PNN: variants seen among roughly 807,000 people sequenced by gnomAD.
PNN encodes the protein pinin.
PNN carries 38 observed loss-of-function variants against 76.6 expected under a neutral mutation model. The observed-to-expected ratio is 0.50, with a 90% confidence interval of 0.38 to 0.65. The LOEUF is 0.65. PNN is among the 30% of genes least tolerant of loss of function. The probability of loss-of-function intolerance (pLI) is 0.00; values close to 1 mark genes in which losing one functional copy is unlikely to be tolerated. For synonymous variants in PNN, 366 were observed against 283.7 expected, an observed-to-expected ratio of 1.29 and a Z score of -2.91; for missense variants, 873 against 874.1, an observed-to-expected ratio of 1.00 and a Z score of 0.02.
Position 39,180,615 on chromosome 14 carries a change from A to G in PNN, c.906A>G (p.Glu302=), listed in dbSNP as rs374342876. The change falls in exon 9 of 9, where the codon GAA becomes GAG. Residue 302 remains glutamate, a synonymous_variant. Transcript: ENST00000216832. ...AGCATCAGGTGGTGCGTAATGAAGA[A>G]CAGAAGGCGGAACAAGAAGAGGGTA... The part of the protein sequence containing the change: ...EKEHQVVRNE[E]QKAEQEEGKV... 5 of 1,614,008 alleles carry G rather than the reference A, an allele frequency of 3.1e-6. No individual in the cohort carries two copies. Among genetic ancestry groups the G allele is most frequent in the South Asian group, 2.2e-5 (2 of 91,062 alleles).
rs1289298104 is a variant in PNN, at chr14:39,183,169, C to G, written c.*1306C>G. On this transcript the variant is annotated 3_prime_UTR_variant, in exon 9 of 9. Transcript: ENST00000216832. Reference sequence around the variant, plus strand: ...TGTGTAAGTGGATGTGTTAAAAGATCTCTTTTTAAAAATCCTTTTATTGGA... The same window carrying G: ...TGTGTAAGTGGATGTGTTAAAAGATGTCTTTTTAAAAATCCTTTTATTGGA... 6.6e-6 allele frequency: 1 copy of G among 152,372 alleles called. No individual in the cohort carries two copies. Among genetic ancestry groups the G allele is most frequent in the East Asian group, 1.9e-4 (1 of 5,194 alleles). 9.4% of individuals were successfully genotyped at this position (152,372 alleles called of 1,614,324 possible). A position where few individuals can be genotyped will look rare whatever the true frequency, so the allele number is the denominator to read the frequency against.
chr14:39,180,818 C>T lies in PNN; in HGVS notation c.1109C>T (p.Thr370Ile), dbSNP rs777858098. The T allele has an allele frequency of 3.7e-6, 6 of 1,613,674 alleles. No homozygotes were observed. The highest frequency in any genetic ancestry group is 4.2e-6 in the Non-Finnish European group (5 of 1,179,828). ...ATGGAGGTTAAGATGGAGGAGGAAACTGAGGTAAGGGAAAGTGAGAAGCAG... is the reference window on the plus strand; with the variant it reads ...ATGGAGGTTAAGATGGAGGAGGAAATTGAGGTAAGGGAAAGTGAGAAGCAG... ...QEMEVKMEEETEVRESEKQQD... is the reference protein window; with the variant it reads ...QEMEVKMEEEIEVRESEKQQD... The change falls in exon 9 of 9, where the codon ACT becomes ATT. Residue 370 changes from threonine (T) to isoleucine (I), a missense_variant. Thr to Ile is a moderately conservative substitution (Grantham distance 89). This residue lies in a region of PNN where 712 missense variants were observed against 693.1 expected (regional missense o/e 1.03). Transcript: ENST00000216832.
chr14:39,175,556 C>CCAGGTCCCCTCCGTAGAGCGCTGGTCT (rs2053213616), intron 1 of PNN, among the ~76,000 whole-genome samples, 164 bp downstream of exon 1: 1 of 152,188 alleles, frequency 6.6e-6, no homozygotes, highest in Admixed American at 6.5e-5. Context: ...TGGAGAGGCC[C>CCAGGTCCCCTCCGTAGAGCGCTGGTCT]CAGGTCCCCT....
At chr14:39,180,467 C>A (rs775101989) in intron 8 of PNN, 36 bp from the exon 9 acceptor site, 1 of 1,494,704 alleles carries the variant, frequency 6.7e-7, no homozygotes, top group Middle Eastern at 1.9e-4. Flanking sequence ...TTTTCTTAAT[C>A]GGTAAATTTT....
Position 39,181,350 on chromosome 14 carries a change from A to G in PNN, c.1641A>G (p.Thr547=), listed in dbSNP as rs754535306. The G allele has an allele frequency of 3.1e-6, 5 of 1,614,242 alleles. No homozygotes were observed. The highest frequency in any genetic ancestry group is 4.2e-6 in the Non-Finnish European group (5 of 1,180,030). ...AGGTACCAGTAGAGCCAGTCTTGACAGTACATCCAGAGAGCAAGAGCAAAA... is the reference window on the plus strand; with the variant it reads ...AGGTACCAGTAGAGCCAGTCTTGACGGTACATCCAGAGAGCAAGAGCAAAA... ...LTEVPVEPVL[T]VHPESKSKTK... is the part of the protein sequence containing the mutation. Residue 547 remains threonine (T), a synonymous_variant, in exon 9 of 9, where the codon ACA becomes ACG. Transcript: ENST00000216832.
intron 5 of PNN, 71 bp downstream of exon 5, chr14:39,177,758 C>T: frequency 1.4e-6 from 2 of 1,438,000 alleles, no homozygotes; most frequent in Non-Finnish European, 2.0e-6. Context: ...ATTGTTCAAG[C>T]ATCCTGTAGT....
chr14:39,181,869 G>A lies in PNN; in HGVS notation c.*6G>A, dbSNP rs775898791. The A allele has an allele frequency of 6.4e-7, 1 of 1,560,136 alleles. No homozygotes were observed. On this transcript the variant is annotated 3_prime_UTR_variant, in exon 9 of 9. Transcript: ENST00000216832. ...GGAAAGACAAAAGGCGTTAATGGAA[G>A]AAGCCAGGCTTTCTTAGCCATTCTT...
Position 39,181,539 on chromosome 14 carries a change from C to A in PNN, c.1830C>A (p.Ser610Arg). 6.2e-7 allele frequency: 1 copy of A among 1,606,530 alleles called. No individual in the cohort carries two copies. Among genetic ancestry groups the A allele is most frequent in the Non-Finnish European group, 8.5e-7 (1 of 1,176,372 alleles). ...SSSSRSSSSS[S>R]SSTSGSSSRD... ...GCAGTCGCAGTAGTTCCAGTAGCAG[C>A]TCCAGTACAAGTGGCAGCAGCAGCA... The change falls in exon 9 of 9, where the codon AGC (serine) becomes AGA (arginine). Residue 610 changes from serine to arginine, a missense_variant. By Grantham distance (110) the Ser-to-Arg change is moderately radical. Coordinates refer to ENST00000216832, the MANE Select transcript of PNN (RefSeq NM_002687.4).
Position 39,180,692 on chromosome 14 carries a change from A to T in PNN, c.983A>T (p.Asp328Val), listed in dbSNP as rs1220992664. Residue 328 changes from aspartate to valine, a missense_variant, in exon 9 of 9, where the codon GAT (aspartate) becomes GTT (valine). By Grantham distance (152) the Asp-to-Val change is radical. Coordinates refer to ENST00000216832, the MANE Select transcript of PNN (RefSeq NM_002687.4). ...GAGGAGACAGGTAATCAGCACAATG[A>T]TGTAGAAATAGAGGAAGCAGGAGAG... ...ELEETGNQHN[D>V]VEIEEAGEEE... is the part of the protein sequence containing the mutation. The T allele has an allele frequency of 1.2e-6, 2 of 1,607,466 alleles. No homozygotes were observed. Among genetic ancestry groups the T allele is most frequent in the Non-Finnish European group, 1.7e-6 (2 of 1,176,230 alleles).
At position 39,177,641 on chromosome 14, in the gene PNN, A is replaced by G. The variant is rs1386285344; in HGVS notation, c.376A>G (p.Arg126Gly). Reference protein sequence around the residue: ...VVATSKERTRRDLIQDQNMDE... With the variant: ...VVATSKERTRGDLIQDQNMDE... ...AGCTACCTCCAAAGAGCGCACACGT[A>G]GAGACCTTATCCAGGATCAAAATAT... Residue 126 changes from arginine to glycine, a missense_variant, in exon 5 of 9, where the codon AGA (arginine) becomes GGA (glycine). Physicochemically the swap from Arg to Gly is moderately radical, Grantham distance 125 (BLOSUM62 -2). Transcript: ENST00000216832. The G allele has an allele frequency of 4.3e-6, 7 of 1,614,016 alleles. No homozygotes were observed. The highest frequency in any genetic ancestry group is 5.1e-6 in the Non-Finnish European group (6 of 1,179,840).
chr14:39,176,502 T>C lies in PNN; in HGVS notation c.186-25T>C, dbSNP rs1447722238. ...CCATTTATCTTGTATTTCAAGTGTT[T>C]TATGTTGAACATTTTAAATTTCAGG... On this transcript the variant is annotated intron_variant, in intron 2 of 8. Transcript: ENST00000216832. 3.2e-6 allele frequency: 5 copies of C among 1,541,264 alleles called. No individual in the cohort carries two copies. The Admixed American group carries it at 5.4e-5, about 17-fold the overall frequency.
At chr14:39,179,037 T>C (rs766599580) in intron 6 of PNN, 54 bp from the exon 7 acceptor site, 32 of 1,512,714 alleles carry the variant, frequency 2.1e-5, no homozygotes, top group African/African-American at 2.8e-5. Flanking sequence ...ATATATACCT[T>C]TTGTTGTAAC....
In PNN at chr14:39,181,178, C is replaced by G. The variant is rs1065618; in HGVS notation, c.1469C>G (p.Ser490Cys). Residue 490 changes from serine to cysteine, a missense_variant, in exon 9 of 9, where the codon TCC becomes TGC. Physicochemically the swap from Ser to Cys is moderately radical, Grantham distance 112 (BLOSUM62 -1). Transcript: ENST00000216832. ...CCCCAGCTTCAGCTTCAATCCCAGT[C>G]CCAACCAGTACTCCAGTCCCAGCCT... ...SQPQLQLQSQ[S>C]QPVLQSQPPS... The G allele has an allele frequency of 6.2e-7, 1 of 1,607,638 alleles. No individual in the cohort carries two copies. The highest frequency in any genetic ancestry group is 8.5e-7 in the Non-Finnish European group (1 of 1,174,130).
At position 39,181,380 on chromosome 14, in the gene PNN, A is replaced by G. The variant is rs1376646041; in HGVS notation, c.1671A>G (p.Lys557=). Reference sequence around the variant, plus strand: ...ATCCAGAGAGCAAGAGCAAAACCAAAACTAGGAGCAGAAGTAGAGGTCGAG... The same window carrying G: ...ATCCAGAGAGCAAGAGCAAAACCAAGACTAGGAGCAGAAGTAGAGGTCGAG... ...TVHPESKSKT[K]TRSRSRGRAR... is the part of the protein sequence containing the mutation. Residue 557 remains lysine, a synonymous_variant, in exon 9 of 9, where the codon AAA becomes AAG. Transcript: ENST00000216832. 6.2e-7 allele frequency: 1 copy of G among 1,614,216 alleles called. No individual in the cohort carries two copies. The highest frequency in any genetic ancestry group is 1.3e-5 in the African/African-American group (1 of 75,056).
At position 39,183,028 on chromosome 14, in the gene PNN, CTG is replaced by C. The variant is rs1001583210; in HGVS notation, c.*1167_*1168del. 7 of 152,644 alleles carry C rather than the reference CTG, an allele frequency of 4.6e-5. No homozygotes were observed. The highest frequency in any genetic ancestry group is 9.7e-5 in the African/African-American group (4 of 41,450). The allele number at this position is 152,644 out of a possible 1,614,324, so 9.5% of individuals were successfully genotyped here. On this transcript the variant is annotated 3_prime_UTR_variant, in exon 9 of 9. Transcript: ENST00000216832. Reference sequence around the variant, plus strand: ...ATTGCATCCTTCTTTGAGTTTAACACTGTAGCTTTAGCCTTGACTTTGAATAT... The same window carrying C: ...ATTGCATCCTTCTTTGAGTTTAACACTAGCTTTAGCCTTGACTTTGAATAT...
chr14:39,181,824 A>G lies in PNN; in HGVS notation c.2115A>G (p.Glu705=), dbSNP rs2053272734. 1 of 1,603,486 alleles carries G rather than the reference A, an allele frequency of 6.2e-7. No individual in the cohort carries two copies. Among genetic ancestry groups the G allele is most frequent in the Non-Finnish European group, 8.5e-7 (1 of 1,177,430 alleles). Residue 705 remains glutamate, a synonymous_variant, in exon 9 of 9, where the codon GAA becomes GAG. Transcript: ENST00000216832. ...CAGGCAAAAGATCTTCAAGAAGTGA[A>G]AGAGACCGAAAATCAGACAGGAAAG... The part of the protein sequence containing the change: ...SRSGKRSSRS[E]RDRKSDRKDK...
chr14:39,179,140 A>G lies in PNN; in HGVS notation c.548A>G (p.Glu183Gly). ...CAAAAACTTGAAGTTCAGGCAGAAGAAGAGAGAAAGCAGGTTGAAAATGAA... is the reference window on the plus strand; with the variant it reads ...CAAAAACTTGAAGTTCAGGCAGAAGGAGAGAGAAAGCAGGTTGAAAATGAA... Reference protein sequence around the residue: ...IEQKLEVQAEEERKQVENERR... With the variant: ...IEQKLEVQAEGERKQVENERR... The change falls in exon 7 of 9, where the codon GAA (glutamate) becomes GGA (glycine). Residue 183 changes from glutamate to glycine, a missense_variant. Around this residue, in one of 3 missense-constraint regions of PNN, gnomAD observed 712 missense variants for 693.1 expected, o/e 1.03. Coordinates refer to ENST00000216832, the MANE Select transcript of PNN (RefSeq NM_002687.4). 6.2e-7 allele frequency: 1 copy of G among 1,614,048 alleles called. No individual in the cohort carries two copies. Among genetic ancestry groups the G allele is most frequent in the Non-Finnish European group, 8.5e-7 (1 of 1,179,992 alleles).
In PNN at chr14:39,181,200, G is replaced by C; in HGVS notation, c.1491G>C (p.Gln497His). Residue 497 changes from glutamine to histidine, a missense_variant, in exon 9 of 9, where the codon CAG becomes CAC. Around this residue, in one of 3 missense-constraint regions of PNN, gnomAD observed 712 missense variants for 693.1 expected, o/e 1.03. Coordinates refer to ENST00000216832, the MANE Select transcript of PNN (RefSeq NM_002687.4). ...QSQSQPVLQSQPPSQPEDLSL... is the reference protein window; with the variant it reads ...QSQSQPVLQSHPPSQPEDLSL... ...AGTCCCAACCAGTACTCCAGTCCCA[G>C]CCTCCCTCTCAGCCTGAGGATTTGT... 1.2e-6 allele frequency: 2 copies of C among 1,612,880 alleles called. No homozygotes were observed. Among genetic ancestry groups the C allele is most frequent in the Non-Finnish European group, 1.7e-6 (2 of 1,178,906 alleles).
intron 8 of PNN, 39 bp downstream of exon 8, chr14:39,179,501 G>C (rs2053254141): frequency 6.4e-7 from 1 of 1,559,966 alleles, no homozygotes; most frequent in African/African-American, 1.4e-5. Context: ...GTTCATAGTG[G>C]GTAAGGTAAT....
Sources: allele counts gnomAD v4.1 joint callset (sites outside exome capture counted in the v4.1 genomes callset), GRCh38; gene constraint gnomAD v4.1.1; regional missense constraint gnomAD v4.1.1; transcripts MANE v1.5; gene names NCBI Gene and HGNC (gene_info 2026-07-23, HGNC 2026-07-21).